ITGBL1: variants seen among roughly 807,000 people sequenced by gnomAD.
ITGBL1 encodes integrin beta-like protein 1.
ITGBL1 carries 51 observed loss-of-function variants against 68.5 expected under a neutral mutation model. The observed-to-expected ratio is 0.74, with a 90% CI of 0.59 to 0.94. ITGBL1 has a LOEUF of 0.94. Among genes scored for constraint, ITGBL1 ranks in the 40% least tolerant of loss-of-function variants. The probability of loss-of-function intolerance (pLI) is 0.00; values close to 1 mark genes in which losing one functional copy is unlikely to be tolerated. For missense variants in ITGBL1, 649 were observed against 647.4 expected (o/e 1.00, Z -0.03); for synonymous variants, 209 against 227.3 (o/e 0.92, Z 0.72).
chr13:101,668,105 A>G (rs1368452796), intron 7 of ITGBL1, among the ~76,000 whole-genome samples: 2 of 152,122 alleles, frequency 1.3e-5, no homozygotes, highest in Non-Finnish European at 2.9e-5. Context: ...AATTCAGCTT[A>G]GGCCAGGTGC....
chr13:101,540,166 T>C (rs2049666519), intron 2 of ITGBL1, among the ~76,000 whole-genome samples: 1 of 152,184 alleles, frequency 6.6e-6, no homozygotes, highest in Admixed American at 6.5e-5. Context: ...GGTTTTCTTC[T>C]AGGGTTTTTA....
Position 101,453,899 on chromosome 13 carries a change from G to A in ITGBL1, c.115G>A (p.Ala39Thr). The A allele has an allele frequency of 8.0e-7, 1 of 1,252,596 alleles. No individual in the cohort carries two copies. Among genetic ancestry groups the A allele is most frequent in the Non-Finnish European group, 1.0e-6 (1 of 999,232 alleles). The allele number at this position is 1,252,596 out of a possible 1,614,324, so 77.6% of individuals were successfully genotyped here. A position where few individuals can be genotyped will look rare whatever the true frequency, so the allele number is the denominator to read the frequency against. Residue 39 changes from alanine (A) to threonine (T), a missense_variant, in exon 2 of 11, where the codon GCC becomes ACC. Physicochemically the swap from Ala to Thr is moderately conservative, Grantham distance 58. Coordinates refer to ENST00000376180, the MANE Select transcript of ITGBL1 (RefSeq NM_004791.3). ...SPSLRSWPGA[A>T]CRLSRAESER... is the part of the protein sequence containing the mutation. The stretch of plus-strand genomic sequence containing the variant: ...CCCGCGCAGGAGCTGGCCGGGCGCC[G>A]CCTGCAGGCTGTCCCGGGCCGAGTC...
At chr13:101,578,013 T>C (rs1356632555) in intron 4 of ITGBL1, among the ~76,000 whole-genome samples, 1 of 152,172 alleles carries the variant, frequency 6.6e-6, no homozygotes, top group African/African-American at 2.4e-5. Flanking sequence ...GAACATGGCA[T>C]TGGGTCCCTG....
chr13:101,491,430 A>G lies in ITGBL1; in HGVS notation c.316+37330A>G, dbSNP rs375513146. Among the ~76,000 whole-genome samples, 18 of 152,310 alleles carry G rather than the reference A, an allele frequency of 1.2e-4. No individual in the cohort carries two copies. The East Asian group carries it at 2.1e-3, about 18-fold the overall frequency. On this transcript the variant is annotated intron_variant, in intron 2 of 10. Coordinates refer to ENST00000376180, the MANE Select transcript of ITGBL1 (RefSeq NM_004791.3). ...AGATATAAGTAGTGAAGTTTTATTC[A>G]GATTGTTACATTTGAAGGGATTTTA...
chr13:101,599,383 G>A (rs542216836), intron 7 of ITGBL1, among the ~76,000 whole-genome samples: 14 of 151,242 alleles, frequency 9.3e-5, no homozygotes, highest in South Asian at 2.1e-4. Context: ...CCATTCTGTA[G>A]GTTGCCTGTT....
intron 7 of ITGBL1, among the ~76,000 whole-genome samples, chr13:101,618,178 G>A (rs2031441112): frequency 1.3e-5 from 2 of 152,192 alleles, no homozygotes; most frequent in South Asian, 4.1e-4. Context: ...TATGTTTAGT[G>A]AGAATATTTG....
At chr13:101,516,646 T>C (rs2049200351) in intron 2 of ITGBL1, among the ~76,000 whole-genome samples, 2 of 152,336 alleles carry the variant, frequency 1.3e-5, no homozygotes, top group Non-Finnish European at 2.9e-5. Flanking sequence ...ATTATGTTCC[T>C]CTTAGAAGTC....
intron 7 of ITGBL1, among the ~76,000 whole-genome samples, chr13:101,635,684 T>C (rs1046600091): frequency 3.9e-4 from 60 of 152,196 alleles, no homozygotes; most frequent in Middle Eastern, 3.4e-3. Context: ...TGTGCAGCTC[T>C]TTGTGTATTA....
intron 3 of ITGBL1, among the ~76,000 whole-genome samples, chr13:101,570,662 T>C (rs1330825344): frequency 2.0e-5 from 3 of 152,168 alleles, no homozygotes; most frequent in Admixed American, 1.3e-4. Flanking sequence ...GAGGCTTTTA[T>C]AGGGTGAACA....
chr13:101,664,384 C>T (rs2033161673), intron 7 of ITGBL1, among the ~76,000 whole-genome samples: 1 of 152,052 alleles, frequency 6.6e-6, no homozygotes, highest in East Asian at 1.9e-4. Flanking sequence ...AATCTTGAAT[C>T]AAATTATTTA....
At chr13:101,612,623 G>T (rs2031186019) in intron 7 of ITGBL1, among the ~76,000 whole-genome samples, 1 of 152,074 alleles carries the variant, frequency 6.6e-6, no homozygotes, top group Non-Finnish European at 1.5e-5. Context: ...CTTGAGTCTA[G>T]ATATATTCTG....
chr13:101,692,916 C>T, intron 8 of ITGBL1: 1 of 475,400 alleles, frequency 2.1e-6, no homozygotes, highest in East Asian at 3.4e-5. Flanking sequence ...GTACGCAGTA[C>T]ACTATCAATA....
At chr13:101,669,766 G>T (rs2033313382) in intron 7 of ITGBL1, among the ~76,000 whole-genome samples, 1 of 152,022 alleles carries the variant, frequency 6.6e-6, no homozygotes, top group Non-Finnish European at 1.5e-5. Context: ...GATTAAAATT[G>T]CTATGTTCTT....
At chr13:101,523,010 C>T (rs1186325683) in intron 2 of ITGBL1, among the ~76,000 whole-genome samples, 1 of 152,294 alleles carries the variant, frequency 6.6e-6, no homozygotes, top group South Asian at 2.1e-4. Flanking sequence ...CACCTCAGAT[C>T]GCTCAGAGAT....
At chr13:101,566,507 A>C (rs73554052) in intron 2 of ITGBL1, among the ~76,000 whole-genome samples, 431 of 152,290 alleles carry the variant, frequency 2.8e-3, no homozygotes, top group African/African-American at 9.5e-3. Flanking sequence ...AGAATAATTA[A>C]TTTTATAAAT....
At chr13:101,713,824 C>T (rs998703234) in intron 9 of ITGBL1, 3 of 152,062 alleles carry the variant, frequency 2.0e-5, no homozygotes, top group Admixed American at 2.0e-4. Context: ...AAAATATGAA[C>T]TTTGGGAGTA....
At chr13:101,597,788 G>A (rs1462693347) in intron 6 of ITGBL1, among the ~76,000 whole-genome samples, 1 of 151,872 alleles carries the variant, frequency 6.6e-6, no homozygotes, top group Non-Finnish European at 1.5e-5. Flanking sequence ...TCCTGACCTC[G>A]TGATCTTCCC....
intron 9 of ITGBL1, among the ~76,000 whole-genome samples, chr13:101,708,652 A>T (rs2034317050): frequency 6.6e-6 from 1 of 152,228 alleles, no homozygotes; most frequent in Non-Finnish European, 1.5e-5. Flanking sequence ...ACTTTTTGGC[A>T]GAACTTCAGA....
At chr13:101,678,939 T>C (rs943383142) in intron 7 of ITGBL1, among the ~76,000 whole-genome samples, 7 of 151,758 alleles carry the variant, frequency 4.6e-5, no homozygotes, top group South Asian at 4.2e-4. Flanking sequence ...TTTTTTTGAG[T>C]TGGAGTCTCA....
Sources: gnomAD v4.1 joint callset for allele counts (sites outside exome capture counted in the v4.1 genomes callset) on GRCh38, gnomAD v4.1.1 for gene constraint, MANE v1.5 for transcripts, NCBI Gene and HGNC (gene_info 2026-07-23, HGNC 2026-07-21) for gene names.